Variants in HSPG2 observed in about 807,000 individuals in gnomAD.
HSPG2 encodes basement membrane-specific heparan sulfate proteoglycan core protein.
Under a neutral mutation model 526.6 loss-of-function variants are expected in HSPG2, and 278 were observed. The ratio of observed to expected loss-of-function variants is 0.53; its 90% CI spans 0.48 to 0.58. The LOEUF is 0.58. Among genes scored for constraint, HSPG2 ranks in the 20% least tolerant of loss-of-function variants. The pLI is 0.00. For missense variants in HSPG2, 5,354 were observed against 6,099.5 expected (o/e 0.88, Z 4.07); for synonymous variants, 2,465 against 2,555.4 (o/e 0.96, Z 1.07).
Position 21,872,562 on chromosome 1 carries a change from G to T in HSPG2, c.4029+58C>A. The T allele has an allele frequency of 1.3e-6, 2 of 1,549,318 alleles. No homozygotes were observed. Among genetic ancestry groups the T allele is most frequent in the Non-Finnish European group, 1.7e-6 (2 of 1,144,920 alleles). ...GGTCGCTGGGCTCAGTGCTCAGATG[G>T]ACAGTAACAGGCAGCAGGTGGCAAC... On this transcript the variant is annotated intron_variant, in intron 32 of 96. Coordinates refer to ENST00000374695, the MANE Select transcript of HSPG2 (RefSeq NM_005529.7). This position sits in a 1 kb window ranked among gnomAD's most constrained non-coding sequence, Gnocchi z 5.5.
intron 33 of HSPG2, chr1:21,869,542 C>G (rs943123115): frequency 1.0e-6 from 1 of 987,728 alleles, no homozygotes; most frequent in Non-Finnish European, 1.2e-6. Context: ...AGGTGCTGCT[C>G]GCAGAGCAGC....
In HSPG2 at chr1:21,828,025, G is replaced by T. The variant is rs888642936; in HGVS notation, c.12532+5C>A. ...ATGAAGTGGAGAGAAGCCAGGCCTG[G>T]GTACCTTGTTGGCAGCGTGGGCCAG... On this transcript the variant is annotated splice_donor_5th_base_variant and intron_variant, in intron 90 of 96. Coordinates refer to ENST00000374695, the MANE Select transcript of HSPG2 (RefSeq NM_005529.7). The surrounding 1 kb of genome is among the most constrained non-coding windows in gnomAD (Gnocchi z 6.0). The T allele has an allele frequency of 3.1e-6, 5 of 1,613,652 alleles. No individual in the cohort carries two copies. Among genetic ancestry groups the T allele is most frequent in the Non-Finnish European group, 2.5e-6 (3 of 1,179,996 alleles).
At chr1:21,934,454 A>G (rs536694435) in intron 1 of HSPG2, among the ~76,000 whole-genome samples, 1 of 152,210 alleles carries the variant, frequency 6.6e-6, no homozygotes, top group African/African-American at 2.4e-5. Context: ...CAGCCCAGAG[A>G]CTCATACTTG....
chr1:21,841,813 A>C (rs1295796009), intron 69 of HSPG2, 140 bp from the exon 70 acceptor site: 5 of 1,317,266 alleles, frequency 3.8e-6, no homozygotes, highest in Non-Finnish European at 5.4e-6. Context: ...CGCAGATAGC[A>C]GAAAGTAACA....
At chr1:21,922,942 G>A (rs960925782) in intron 1 of HSPG2, among the ~76,000 whole-genome samples, 1 of 152,098 alleles carries the variant, frequency 6.6e-6, no homozygotes, top group Non-Finnish European at 1.5e-5. Flanking sequence ...GGCTTGAGCT[G>A]ATGTTTCCCC....
chr1:21,839,580 T>A lies in HSPG2; in HGVS notation c.9710-30A>T. On this transcript the variant is annotated intron_variant, in intron 72 of 96. Transcript: ENST00000374695. The surrounding 1 kb of genome is among the most constrained non-coding windows in gnomAD (Gnocchi z 4.5). The stretch of plus-strand genomic sequence containing the variant: ...GGAGTCGAGTGGAAGATGACAGAAG[T>A]CACTGGGCTACCTCAGGGACCCGCA... 1 of 1,611,488 alleles carries A rather than the reference T, an allele frequency of 6.2e-7. No homozygotes were observed. The highest frequency in any genetic ancestry group is 8.5e-7 in the Non-Finnish European group (1 of 1,178,876).
intron 22 of HSPG2, 44 bp downstream of exon 22, chr1:21,876,468 G>A (rs554007137): frequency 2.5e-6 from 4 of 1,612,926 alleles, no homozygotes; most frequent in Admixed American, 1.7e-5. Context: ...TGGTCCATCC[G>A]GCCCAGGGCT....
At chr1:21,855,088 T>A in intron 47 of HSPG2, 105 bp from the exon 48 acceptor site, 1 of 1,428,710 alleles carries the variant, frequency 7.0e-7, no homozygotes, top group Non-Finnish European at 9.7e-7. Flanking sequence ...GGGCCAATAT[T>A]AGGGCCCAGT....
In HSPG2 at chr1:21,895,263, G is replaced by A. The variant is rs1475102777; in HGVS notation, c.244+659C>T. Among the ~76,000 whole-genome samples, 2 of 152,170 alleles carry A rather than the reference G, an allele frequency of 1.3e-5. No homozygotes were observed. The highest frequency in any genetic ancestry group is 2.9e-5 in the Non-Finnish European group (2 of 68,016). Reference sequence around the variant, plus strand: ...AGCCACAGGGCCTTGTCCTGGGGTAGGTCCTTCTCCACCCAGTATCCCAGA... The same window carrying A: ...AGCCACAGGGCCTTGTCCTGGGGTAAGTCCTTCTCCACCCAGTATCCCAGA... On this transcript the variant is annotated intron_variant, in intron 3 of 96. Coordinates refer to ENST00000374695, the MANE Select transcript of HSPG2 (RefSeq NM_005529.7). This position sits in a 1 kb window ranked among gnomAD's most constrained non-coding sequence, Gnocchi z 4.1.
rs75708327 is a variant in HSPG2 at position 21,895,418 on chromosome 1, G to T, written c.244+504C>A. On this transcript the variant is annotated intron_variant, in intron 3 of 96. Coordinates refer to ENST00000374695, the MANE Select transcript of HSPG2 (RefSeq NM_005529.7). The surrounding 1 kb of genome is among the most constrained non-coding windows in gnomAD (Gnocchi z 4.1). ...AGCTAGGAACCCTTGCTTCCCAGCCGATGACCCACCTTAAGGCAAGGTTCT... is the reference window on the plus strand; with the variant it reads ...AGCTAGGAACCCTTGCTTCCCAGCCTATGACCCACCTTAAGGCAAGGTTCT... 5.1e-3 allele frequency among the ~76,000 whole-genome samples: 773 copies of T among 152,166 alleles called. 3 individuals carry two copies. Among genetic ancestry groups the T allele is most frequent in the African/African-American group, 0.017 (694 of 41,500 alleles).
At chr1:21,900,272 G>A (rs1381748409) in intron 1 of HSPG2, among the ~76,000 whole-genome samples, 1 of 152,188 alleles carries the variant, frequency 6.6e-6, no homozygotes, top group Non-Finnish European at 1.5e-5. Flanking sequence ...GCAGGCAGCT[G>A]ACTCAACCGG....
Position 21,893,047 on chromosome 1 carries a change from G to T in HSPG2, c.245-2353C>A, listed in dbSNP as rs1472217274. On this transcript the variant is annotated intron_variant, in intron 3 of 96. Coordinates refer to ENST00000374695, the MANE Select transcript of HSPG2 (RefSeq NM_005529.7). The surrounding 1 kb of genome is among the most constrained non-coding windows in gnomAD (Gnocchi z 4.3). The stretch of plus-strand genomic sequence containing the variant: ...CAGAGGCCGGGAGAGGGAGACAGCT[G>T]CCCTGCACTCAGGGTAGAAGTGGGG... Among the ~76,000 whole-genome samples the T allele has an allele frequency of 6.6e-6, 1 of 152,082 alleles. No homozygotes were observed. The highest frequency in any genetic ancestry group is 1.5e-5 in the Non-Finnish European group (1 of 67,996).
At chr1:21,894,182 C>G (rs541195771) in intron 3 of HSPG2, among the ~76,000 whole-genome samples, 2 of 151,740 alleles carry the variant, frequency 1.3e-5, no homozygotes, top group African/African-American at 4.8e-5. Flanking sequence ...CTATCAGGGA[C>G]GGGTCTTGAC....
intron 33 of HSPG2, among the ~76,000 whole-genome samples, chr1:21,869,274 T>G (rs1397972986): frequency 6.6e-6 from 1 of 152,228 alleles, no homozygotes; most frequent in African/African-American, 2.4e-5. Flanking sequence ...ACAATTTCAA[T>G]GGGATGGCTC....
rs561927299 is a variant in HSPG2 at position 21,823,098 on chromosome 1, C to T, written c.*218G>A. ...AGTCCTGGTGACTTTCTGAGGTGCC[C>T]ACTCCCATCCAACCTGCCTTGCTGG... On this transcript the variant is annotated 3_prime_UTR_variant, in exon 97 of 97. Transcript: ENST00000374695. The T allele has an allele frequency of 4.8e-5, 23 of 474,526 alleles. No individual in the cohort carries two copies. The highest frequency in any genetic ancestry group is 4.0e-4 in the African/African-American group (20 of 49,926). 29.4% of individuals were successfully genotyped at this position (474,526 alleles called of 1,614,324 possible).
intron 1 of HSPG2, among the ~76,000 whole-genome samples, chr1:21,922,960 C>T (rs1644084372): frequency 6.6e-6 from 1 of 152,044 alleles, no homozygotes; most frequent in Admixed American, 6.6e-5. Context: ...CCCCATCCCG[C>T]CCCCACCCCG....
At position 21,913,849 on chromosome 1, in the gene HSPG2, T is replaced by C. The variant is rs115142014; in HGVS notation, c.64-17539A>G. Among the ~76,000 whole-genome samples the C allele has an allele frequency of 4.4e-3, 663 of 152,298 alleles. 5 individuals carry two copies. The highest frequency in any genetic ancestry group is 0.014 in the African/African-American group (597 of 41,574). On this transcript the variant is annotated intron_variant, in intron 1 of 96. Transcript: ENST00000374695. ...AACACAAGAGGCAGTACAGTGTGAG[T>C]TCTGGGTGGGACTAACCCAGCCGGA...
intron 1 of HSPG2, among the ~76,000 whole-genome samples, chr1:21,910,447 C>G (rs929966619): frequency 6.6e-6 from 1 of 152,214 alleles, no homozygotes; most frequent in Admixed American, 6.5e-5. Context: ...AAGCTGGGTC[C>G]TGGCTCAACT....
chr1:21,827,458 A>AG (rs1225272224), intron 91 of HSPG2, among the ~76,000 whole-genome samples: 1 of 152,212 alleles, frequency 6.6e-6, no homozygotes, highest in Non-Finnish European at 1.5e-5. Flanking sequence ...GTGTCTGTAA[A>AG]GGGGTTAGCA....
Sources: gnomAD v4.1 joint callset for allele counts (sites outside exome capture counted in the v4.1 genomes callset) on GRCh38, gnomAD v4.1.1 for gene constraint, Gnocchi (gnomAD v3.1) non-coding constraint, MANE v1.5 for transcripts, NCBI Gene and HGNC (gene_info 2026-07-23, HGNC 2026-07-21) for gene names.